Variants in SMIM17 observed in about 807,000 individuals in gnomAD.
The protein encoded by SMIM17 is small integral membrane protein 17.
Under a neutral mutation model 12.2 loss-of-function variants are expected in SMIM17, and 10 were observed. That is an observed-to-expected ratio of 0.82 (90% CI 0.50 to 1.39). The LOEUF is 1.39. Ranked by LOEUF, SMIM17 falls within the 40% of genes most tolerant of loss-of-function variation. The pLI is 0.00. For synonymous variants in SMIM17, 50 were observed against 44.1 expected (o/e 1.13, Z -0.53); for missense variants, 136 against 118.2 (o/e 1.15, Z -0.70).
intron 3 of SMIM17, among the ~76,000 whole-genome samples, chr19:56,648,344 A>C (rs1451987772): frequency 1.5e-5 from 2 of 129,404 alleles, no homozygotes; most frequent in African/African-American, 3.0e-5. Context: ...CATTTACCCA[A>C]CCTTTCATCC....
rs1374565100 is a variant in SMIM17 at position 56,656,527 on chromosome 19, T to C, written c.*1314T>C. ...TGATATGTATTGCATTTATTTTTTA[T>C]TGTTTTTCTTCTTTGTCTCAGTTTT... On this transcript the variant is annotated 3_prime_UTR_variant, in exon 4 of 4. Coordinates refer to ENST00000598409, the MANE Select transcript of SMIM17 (RefSeq NM_001193628.2). Among the ~76,000 whole-genome samples the C allele has an allele frequency of 6.6e-6, 1 of 152,214 alleles. No individual in the cohort carries two copies. Among genetic ancestry groups the C allele is most frequent in the Non-Finnish European group, 1.5e-5 (1 of 68,040 alleles).
chr19:56,649,084 G>A (rs1008911373), intron 3 of SMIM17, among the ~76,000 whole-genome samples: 1 of 152,220 alleles, frequency 6.6e-6, no homozygotes, highest in Non-Finnish European at 1.5e-5. Flanking sequence ...AAAGGAAGAA[G>A]TTAACTGCAT....
chr19:56,654,587 A>G (rs929498717), intron 3 of SMIM17, among the ~76,000 whole-genome samples: 1 of 152,208 alleles, frequency 6.6e-6, no homozygotes, highest in Non-Finnish European at 1.5e-5. Context: ...GGTGTCAGAA[A>G]GAGAGTCAAG....
At chr19:56,646,283 C>T (rs1428207649) in intron 2 of SMIM17, among the ~76,000 whole-genome samples, 2 of 152,084 alleles carry the variant, frequency 1.3e-5, no homozygotes, top group Non-Finnish European at 2.9e-5. Context: ...AGAGGGAATT[C>T]CCCAATTTTC....
chr19:56,645,061 T>C (rs1429941105), intron 1 of SMIM17, among the ~76,000 whole-genome samples: 1 of 152,208 alleles, frequency 6.6e-6, no homozygotes, highest in African/African-American at 2.4e-5. Flanking sequence ...TATATACAAA[T>C]GTGCAGACTG....
intron 1 of SMIM17, among the ~76,000 whole-genome samples, chr19:56,643,654 C>A (rs950098205): frequency 6.6e-6 from 1 of 152,190 alleles, no homozygotes; most frequent in African/African-American, 2.4e-5. Flanking sequence ...TCCGCCTGGG[C>A]CCCTGTGGAC....
chr19:56,649,421 G>A (rs2045092543), intron 3 of SMIM17, among the ~76,000 whole-genome samples: 1 of 149,342 alleles, frequency 6.7e-6, no homozygotes, highest in Admixed American at 6.6e-5. Flanking sequence ...AGTCACCGAG[G>A]TAGACAGACG....
Position 56,648,051 on chromosome 19 carries a change from TTCCATCCATCCATCCATCCA to T in SMIM17, c.246+453_246+472del, listed in dbSNP as rs72265006. 2.4e-3 allele frequency among the ~76,000 whole-genome samples: 321 copies of T among 134,140 alleles called. 2 individuals carry two copies. The highest frequency in any genetic ancestry group is 8.4e-3 in the African/African-American group (292 of 34,806). 88.0% of individuals were successfully genotyped at this position (134,140 alleles called of 152,430 possible). On this transcript the variant is annotated intron_variant, in intron 3 of 3. Transcript: ENST00000598409. ...ATTCACCTACTTGCTTGTATACCCA[TTCCATCCATCCATCCATCCA>T]TCCATCCATCCATCCATCCATCCAT...
chr19:56,645,712 T>G lies in SMIM17; in HGVS notation c.45T>G (p.Pro15=). The G allele has an allele frequency of 6.5e-7, 1 of 1,535,424 alleles. No homozygotes were observed. Among genetic ancestry groups the G allele is most frequent in the Non-Finnish European group, 8.7e-7 (1 of 1,146,738 alleles). ...AGCAGACACGGGGGCTGCTGGAGCC[T>G]GAGAGGACCAAGACTCTGCTGCCTC... The part of the protein sequence containing the change: ...RPEQTRGLLE[P]ERTKTLLPRE... Residue 15 remains proline, a synonymous_variant, in exon 2 of 4, where the codon CCT becomes CCG. Transcript: ENST00000598409.
intron 1 of SMIM17, among the ~76,000 whole-genome samples, chr19:56,643,935 G>A (rs1023711449): frequency 6.6e-6 from 1 of 152,092 alleles, no homozygotes; most frequent in African/African-American, 2.4e-5. Flanking sequence ...TCGTTGTTGT[G>A]ACTGCGTCTC....
At chr19:56,655,075 T>C (rs528912162) in intron 3 of SMIM17, 28 bp from the exon 4 acceptor site, 9 of 668,422 alleles carry the variant, frequency 1.3e-5, no homozygotes. Context: ...CTTTCCAATA[T>C]TTATCCTTTT....
At chr19:56,644,905 C>T (rs961364884) in intron 1 of SMIM17, among the ~76,000 whole-genome samples, 5 of 152,298 alleles carry the variant, frequency 3.3e-5, no homozygotes, top group East Asian at 1.9e-4. Flanking sequence ...ACTACAGGCT[C>T]GTGACACCAC....
chr19:56,652,659 A>G (rs1411189508), intron 3 of SMIM17, among the ~76,000 whole-genome samples: 1 of 121,008 alleles, frequency 8.3e-6, no homozygotes, highest in Non-Finnish European at 1.7e-5. Context: ...TTCTCAAAAA[A>G]AAGAAAAAAA....
chr19:56,648,950 C>G (rs533487103), intron 3 of SMIM17, among the ~76,000 whole-genome samples: 70 of 152,308 alleles, frequency 4.6e-4, no homozygotes, highest in Non-Finnish European at 1.0e-4. Context: ...GAATGTAACT[C>G]TGGCTGCCTC....
At chr19:56,652,685 G>C (rs1346107801) in intron 3 of SMIM17, among the ~76,000 whole-genome samples, 1 of 151,900 alleles carries the variant, frequency 6.6e-6, no homozygotes, top group Admixed American at 6.6e-5. Context: ...GAGAGAGAGA[G>C]AGAGTTATCC....
rs897351016 is a variant in SMIM17 at position 56,656,236 on chromosome 19, G to A, written c.*1023G>A. Among the ~76,000 whole-genome samples, 42 of 152,182 alleles carry A rather than the reference G, an allele frequency of 2.8e-4. 1 individual carries two copies. Among genetic ancestry groups the A allele is most frequent in the African/African-American group, 9.9e-4 (41 of 41,544 alleles). On this transcript the variant is annotated 3_prime_UTR_variant, in exon 4 of 4. Coordinates refer to ENST00000598409, the MANE Select transcript of SMIM17 (RefSeq NM_001193628.2). ...TGGGATTACAGATGTGAGCCACCGT[G>A]CCCAGCCCAGAGTTCTTTTATCCTC...
intron 2 of SMIM17, 76 bp from the exon 3 acceptor site, chr19:56,647,482 C>G: frequency 9.8e-7 from 1 of 1,019,424 alleles, no homozygotes; most frequent in Non-Finnish European, 1.4e-6. Context: ...GACAAGATGC[C>G]AGTGGGAAGA....
chr19:56,653,718 T>C (rs1319864355), intron 3 of SMIM17, among the ~76,000 whole-genome samples: 2 of 152,216 alleles, frequency 1.3e-5, no homozygotes, highest in Admixed American at 1.3e-4. Flanking sequence ...AAGTGGGTCA[T>C]TGTCCCTAGG....
intron 2 of SMIM17, 33 bp from the exon 3 acceptor site, chr19:56,647,525 G>A: frequency 6.6e-7 from 1 of 1,510,106 alleles, no homozygotes. Context: ...CTCACTCATG[G>A]CTCCTTTTTC....
Sources: gnomAD v4.1 joint callset for allele counts (sites outside exome capture counted in the v4.1 genomes callset) on GRCh38, gnomAD v4.1.1 for gene constraint, MANE v1.5 for transcripts, NCBI Gene and HGNC (gene_info 2026-07-23, HGNC 2026-07-21) for gene names.